The following NAALADL2 variants were observed in gnomAD, a reference collection of about 807,000 sequenced individuals.
The protein encoded by NAALADL2 is inactive N-acetylated-alpha-linked acidic dipeptidase-like protein 2.
NAALADL2 carries 76 observed loss-of-function variants against 87.2 expected under a neutral mutation model. That is an observed-to-expected ratio of 0.87 (90% CI 0.72 to 1.05). NAALADL2 has a LOEUF of 1.05. Among genes scored for constraint, NAALADL2 ranks in the 50% least tolerant of loss-of-function variants. The pLI is 0.00. For synonymous variants in NAALADL2, 354 were observed against 331.0 expected, an observed-to-expected ratio of 1.07 and a Z score of -0.75; for missense variants, 1,089 against 945.8, an observed-to-expected ratio of 1.15 and a Z score of -1.99.
At chr3:174,704,437 A>G (rs1293024499) in intron 2 of NAALADL2, among the ~76,000 whole-genome samples, 2 of 152,162 alleles carry the variant, frequency 1.3e-5, no homozygotes, top group Non-Finnish European at 2.9e-5. Flanking sequence ...TTTGATAGTA[A>G]TGTTTTAATT....
chr3:175,337,715 A>T (rs1762136404), intron 5 of NAALADL2, among the ~76,000 whole-genome samples: 1 of 151,716 alleles, frequency 6.6e-6, no homozygotes, highest in African/African-American at 2.4e-5. Flanking sequence ...ATACAAAAAC[A>T]AACAAACAAA....
intron 2 of NAALADL2, among the ~76,000 whole-genome samples, chr3:174,641,600 T>A (rs1560111310): frequency 6.6e-6 from 1 of 152,166 alleles, no homozygotes; most frequent in African/African-American, 2.4e-5. Context: ...TACCTGTCCC[T>A]GGTAAAGTAA....
At chr3:175,156,852 A>T (rs1732406036) in intron 2 of NAALADL2, among the ~76,000 whole-genome samples, 1 of 152,090 alleles carries the variant, frequency 6.6e-6, no homozygotes, top group South Asian at 2.1e-4. Context: ...AGATGTTTAA[A>T]ATTAGCTAAC....
intron 2 of NAALADL2, among the ~76,000 whole-genome samples, chr3:174,586,487 A>G (rs969007472): frequency 3.9e-5 from 6 of 152,162 alleles, no homozygotes; most frequent in Admixed American, 3.3e-4. Flanking sequence ...CAGCGACGAG[A>G]CCACAGGGTT....
At chr3:175,343,796 A>G (rs912894732) in intron 5 of NAALADL2, among the ~76,000 whole-genome samples, 1 of 151,902 alleles carries the variant, frequency 6.6e-6, no homozygotes, top group Non-Finnish European at 1.5e-5. Flanking sequence ...CTGCTAAAAC[A>G]TATTAAAAGT....
rs115808306 is a variant in NAALADL2, at chr3:175,140,143, C to T, written c.545+42852C>T. On this transcript the variant is annotated intron_variant, in intron 2 of 13. Transcript: ENST00000454872. Reference sequence around the variant, plus strand: ...CTTTAGGCACTTGACTAAAGCCCTCCGTGCCTAGTTTCTGAGGGATAATTG... The same window carrying T: ...CTTTAGGCACTTGACTAAAGCCCTCTGTGCCTAGTTTCTGAGGGATAATTG... Among the ~76,000 whole-genome samples, 861 of 152,188 alleles carry T rather than the reference C, an allele frequency of 5.7e-3. 10 individuals are homozygous for T. Among genetic ancestry groups the T allele is most frequent in the African/African-American group, 0.02 (836 of 41,540 alleles).
chr3:174,963,467 C>T (rs1742422497), intron 1 of NAALADL2, among the ~76,000 whole-genome samples: 1 of 152,010 alleles, frequency 6.6e-6, no homozygotes. Context: ...TGATTAGATG[C>T]ATGTTTCACT....
At chr3:175,677,602 C>T (rs1734994106) in intron 11 of NAALADL2, among the ~76,000 whole-genome samples, 1 of 151,164 alleles carries the variant, frequency 6.6e-6, no homozygotes, top group Non-Finnish European at 1.5e-5. Flanking sequence ...CCTTCATTAC[C>T]CCATCTTTTC....
chr3:175,041,595 A>G, intron 1 of NAALADL2, among the ~76,000 whole-genome samples: 1 of 152,094 alleles, frequency 6.6e-6, no homozygotes, highest in East Asian at 1.9e-4. Context: ...GCGTCTTTAA[A>G]AGTGTGGTTT....
At position 174,904,364 on chromosome 3, in the gene NAALADL2, A is replaced by G. The variant is rs146513759; in HGVS notation, c.43+44914A>G. On this transcript the variant is annotated intron_variant, in intron 1 of 13. Coordinates refer to ENST00000454872, the MANE Select transcript of NAALADL2 (RefSeq NM_207015.3). ...GTTTATACGTTCTGTATATCTGCCAATGAAGTAGTTAAATCACCTTTATTT... is the reference window on the plus strand; with the variant it reads ...GTTTATACGTTCTGTATATCTGCCAGTGAAGTAGTTAAATCACCTTTATTT... Among the ~76,000 whole-genome samples the G allele has an allele frequency of 4.1e-3, 627 of 152,014 alleles. 4 individuals carry two copies. The highest frequency in any genetic ancestry group is 0.011 in the African/African-American group (443 of 41,506).
chr3:175,113,430 T>C (rs1724544381), intron 2 of NAALADL2, among the ~76,000 whole-genome samples: 1 of 151,612 alleles, frequency 6.6e-6, no homozygotes, highest in African/African-American at 2.4e-5. Flanking sequence ...TGATTAAAAC[T>C]AAAATTCTTA....
intron 3 of NAALADL2, among the ~76,000 whole-genome samples, chr3:174,770,787 C>T (rs1394132714): frequency 2.7e-5 from 4 of 150,806 alleles, no homozygotes; most frequent in East Asian, 3.9e-4. Context: ...TGCGGTGAGC[C>T]GAGATCGTGC....
upstream of NAALADL2, among the ~76,000 whole-genome samples, chr3:174,855,928 A>G (rs893504828): frequency 1.8e-4 from 27 of 150,126 alleles, no homozygotes; most frequent in Non-Finnish European, 3.1e-4. Flanking sequence ...ACACATAGAT[A>G]TGAATATATA....
intron 2 of NAALADL2, among the ~76,000 whole-genome samples, chr3:174,668,859 A>G (rs9290514): frequency 0.75 from 113,904 of 152,064 alleles, 42,871 homozygotes; most frequent in East Asian, 0.9. Flanking sequence ...CTTTGCTATT[A>G]TGAATAGTGC....
intron 2 of NAALADL2, among the ~76,000 whole-genome samples, chr3:175,215,310 A>G (rs895577496): frequency 2.6e-5 from 4 of 152,196 alleles, no homozygotes; most frequent in Admixed American, 2.6e-4. Context: ...TTTCTTTCAG[A>G]TCACTATCGT....
At chr3:175,538,944 C>T (rs1489423705) in intron 9 of NAALADL2, among the ~76,000 whole-genome samples, 3 of 152,156 alleles carry the variant, frequency 2.0e-5, no homozygotes, top group African/African-American at 7.2e-5. Context: ...CAAGAGCAGG[C>T]AGAAAAATTC....
At chr3:174,954,608 T>C (rs536617048) in intron 1 of NAALADL2, among the ~76,000 whole-genome samples, 2 of 152,208 alleles carry the variant, frequency 1.3e-5, no homozygotes, top group South Asian at 4.1e-4. Context: ...ATTTTTGTTC[T>C]TTTGGTGCAA....
chr3:175,596,631 A>G (rs920287851), intron 10 of NAALADL2, among the ~76,000 whole-genome samples: 2 of 151,908 alleles, frequency 1.3e-5, no homozygotes, highest in African/African-American at 4.8e-5. Flanking sequence ...CTCCAGTAAC[A>G]TGGCAGGTAT....
chr3:175,670,808 A>C (rs1733900667), intron 11 of NAALADL2, among the ~76,000 whole-genome samples: 1 of 151,256 alleles, frequency 6.6e-6, no homozygotes, highest in South Asian at 2.1e-4. Flanking sequence ...TTTAAAGTAC[A>C]TCATTCATGA....
Sources: gnomAD v4.1 joint callset for allele counts (sites outside exome capture counted in the v4.1 genomes callset) on GRCh38, gnomAD v4.1.1 for gene constraint, MANE v1.5 for transcripts, NCBI Gene and HGNC (gene_info 2026-07-23, HGNC 2026-07-21) for gene names.